The following ZMIZ2 variants were observed in gnomAD, a reference collection of about 807,000 sequenced individuals.
ZMIZ2 encodes zinc finger MIZ domain-containing protein 2.
A neutral mutation model predicts 93.9 loss-of-function variants in ZMIZ2; 26 were observed. The observed-to-expected ratio is 0.28, with a 90% CI of 0.20 to 0.38. The LOEUF (loss-of-function observed/expected upper bound fraction) is 0.38, where lower values mean the gene tolerates loss of function less well. Ranked by LOEUF, ZMIZ2 falls within the 10% of genes least tolerant of loss-of-function variation. ZMIZ2 has a pLI of 1.00. For synonymous variants in ZMIZ2, 485 were observed against 516.4 expected, an observed-to-expected ratio of 0.94 and a Z score of 0.82; for missense variants, 1,023 against 1,235.0, an observed-to-expected ratio of 0.83 and a Z score of 2.57.
intron 1 of ZMIZ2, among the ~76,000 whole-genome samples, chr7:44,752,134 AT>A (rs544186774): frequency 4.5e-4 from 65 of 143,424 alleles, no homozygotes; most frequent in Admixed American, 4.2e-4. Flanking sequence ...GTTGCCTTCT[AT>A]TTTTTTTTTT....
At position 44,763,531 on chromosome 7, in the gene ZMIZ2, A is replaced by T. The variant is rs1256849119; in HGVS notation, c.1860+118A>T. 2.1e-6 allele frequency: 3 copies of T among 1,429,584 alleles called. No homozygotes were observed. Among genetic ancestry groups the T allele is most frequent in the Non-Finnish European group, 2.8e-6 (3 of 1,057,462 alleles). The allele number at this position is 1,429,584 out of a possible 1,614,324, so 88.6% of individuals were successfully genotyped here. On this transcript the variant is annotated intron_variant, in intron 13 of 18. Coordinates refer to ENST00000309315, the MANE Select transcript of ZMIZ2 (RefSeq NM_031449.4). This position sits in a 1 kb window ranked among gnomAD's most constrained non-coding sequence, Gnocchi z 5.6. ...TCCGAGTGCCTTGGCTGTCAGGCTG[A>T]CAGGACAGGCCTCCCACGCCAAGGA...
At position 44,768,787 on chromosome 7, in the gene ZMIZ2, T is replaced by G. The variant is rs1240549955; in HGVS notation, c.*1164T>G. ...GCTTGGGCTGTGCCTGCAAAGCTTGTGCAGGACCTGGGGGCCAGGTCGACC... is the reference window on the plus strand; with the variant it reads ...GCTTGGGCTGTGCCTGCAAAGCTTGGGCAGGACCTGGGGGCCAGGTCGACC... On this transcript the variant is annotated 3_prime_UTR_variant, in exon 19 of 19. Coordinates refer to ENST00000309315, the MANE Select transcript of ZMIZ2 (RefSeq NM_031449.4). 1 of 152,226 alleles carries G rather than the reference T, an allele frequency of 6.6e-6. No individual in the cohort carries two copies. The highest frequency in any genetic ancestry group is 2.4e-5 in the African/African-American group (1 of 41,464). 9.4% of individuals were successfully genotyped at this position (152,226 alleles called of 1,614,324 possible). A position where few individuals can be genotyped will look rare whatever the true frequency, so the allele number is the denominator to read the frequency against.
chr7:44,754,085 A>C, intron 1 of ZMIZ2, among the ~76,000 whole-genome samples: 1 of 152,198 alleles, frequency 6.6e-6, no homozygotes, highest in East Asian at 1.9e-4. Context: ...CTATATTCTA[A>C]GTCCTAAAAT....
chr7:44,757,602 T>C, intron 5 of ZMIZ2, 41 bp downstream of exon 5: 1 of 1,551,560 alleles, frequency 6.4e-7, no homozygotes, highest in Non-Finnish European at 8.7e-7. Context: ...GCAGCCAGCC[T>C]GAGGGCCTGG....
Position 44,761,300 on chromosome 7 carries a change from C to A in ZMIZ2, c.1241-149C>A. Reference sequence around the variant, plus strand: ...ATGGCCCCAGCCCCAGGGCACCACTCAGGCCTGCCAAGCAGTGCCTGACAG... The same window carrying A: ...ATGGCCCCAGCCCCAGGGCACCACTAAGGCCTGCCAAGCAGTGCCTGACAG... On this transcript the variant is annotated intron_variant, in intron 9 of 18. Transcript: ENST00000309315. The surrounding 1 kb of genome is among the most constrained non-coding windows in gnomAD (Gnocchi z 5.8). 7.7e-7 allele frequency: 1 copy of A among 1,296,340 alleles called. No homozygotes were observed. The highest frequency in any genetic ancestry group is 1.0e-6 in the Non-Finnish European group (1 of 964,412). 80.3% of individuals were successfully genotyped at this position (1,296,340 alleles called of 1,614,324 possible).
At chr7:44,764,830 C>G (rs1271460703) in intron 14 of ZMIZ2, 111 bp from the exon 15 acceptor site, 6 of 1,135,222 alleles carry the variant, frequency 5.3e-6, no homozygotes, top group East Asian at 2.5e-5. Context: ...TTGCCTCACA[C>G]AGGATTGCCT....
At chr7:44,751,034 G>A (rs1325493056) in intron 1 of ZMIZ2, 1 of 149,198 alleles carries the variant, frequency 6.7e-6, no homozygotes, top group Non-Finnish European at 1.5e-5. Context: ...ACTGTCCTCA[G>A]AGAGGAGACC....
At chr7:44,750,192 T>C (rs144700674) in intron 1 of ZMIZ2, among the ~76,000 whole-genome samples, 183 of 152,274 alleles carry the variant, frequency 1.2e-3, no homozygotes, top group African/African-American at 4.2e-3. Context: ...CTACCAGATA[T>C]CCATCTTACA....
rs1262132186 is a variant in ZMIZ2 at position 44,756,165 on chromosome 7, ATCCCT to A, written c.-62-19_-62-15del. 1 of 1,597,056 alleles carries A rather than the reference ATCCCT, an allele frequency of 6.3e-7. No individual in the cohort carries two copies. Among genetic ancestry groups the A allele is most frequent in the Non-Finnish European group, 8.6e-7 (1 of 1,165,890 alleles). ...GTCTCCTGGCTGCATCGCAGCTAACATCCCTTCCTTCCTGTCGGGCAGCCAGAGCA... is the reference window on the plus strand; with the variant it reads ...GTCTCCTGGCTGCATCGCAGCTAACATCCTTCCTGTCGGGCAGCCAGAGCA... On this transcript the variant is annotated intron_variant, in intron 1 of 18. Transcript: ENST00000309315.
In ZMIZ2 at chr7:44,757,158, G is replaced by A. The variant is rs1482041971; in HGVS notation, c.368+9G>A. 6.3e-7 allele frequency: 1 copy of A among 1,593,380 alleles called. No homozygotes were observed. The highest frequency in any genetic ancestry group is 2.0e-4 in the Middle Eastern group (1 of 5,126). On this transcript the variant is annotated intron_variant, in intron 4 of 18. Coordinates refer to ENST00000309315, the MANE Select transcript of ZMIZ2 (RefSeq NM_031449.4). ...CCCGGCTTCACCACCGGGTAAGCAAGTTCCCTCACCTGGCAGGTATGCTAG... is the reference window on the plus strand; with the variant it reads ...CCCGGCTTCACCACCGGGTAAGCAAATTCCCTCACCTGGCAGGTATGCTAG...
At chr7:44,756,582 C>T in intron 3 of ZMIZ2, 43 bp downstream of exon 3, 1 of 1,600,732 alleles carries the variant, frequency 6.2e-7, no homozygotes, top group Non-Finnish European at 8.5e-7. Flanking sequence ...GACAGAGCCT[C>T]CCAGCACTTG....
chr7:44,748,906 C>T lies in ZMIZ2; in HGVS notation c.-148C>T, dbSNP rs1562715936. The T allele has an allele frequency of 1.4e-5, 2 of 147,520 alleles. No individual in the cohort carries two copies. The highest frequency in any genetic ancestry group is 2.0e-4 in the East Asian group (1 of 5,110). 9.1% of individuals were successfully genotyped at this position (147,520 alleles called of 1,614,324 possible). A position where few individuals can be genotyped will look rare whatever the true frequency, so the allele number is the denominator to read the frequency against. ...GCGGGTGGCGGCGGCCCCGGGGCGG[C>T]GGGCGGCGCGGAGGGCGGGCTGAGC... On this transcript the variant is annotated 5_prime_UTR_variant, in exon 1 of 19. Transcript: ENST00000309315.
At chr7:44,757,264 T>C (rs1790683263) in intron 4 of ZMIZ2, 114 bp from the exon 5 acceptor site, 2 of 1,504,000 alleles carry the variant, frequency 1.3e-6, no homozygotes, top group South Asian at 1.2e-5. Flanking sequence ...ACAGCTGTAG[T>C]GGAGGGTCTA....
Position 44,765,237 on chromosome 7 carries a change from G to T in ZMIZ2, c.1998-98G>T. 6.4e-7 allele frequency: 1 copy of T among 1,566,900 alleles called. No homozygotes were observed. Among genetic ancestry groups the T allele is most frequent in the South Asian group, 1.2e-5 (1 of 83,946 alleles). On this transcript the variant is annotated intron_variant, in intron 15 of 18. Coordinates refer to ENST00000309315, the MANE Select transcript of ZMIZ2 (RefSeq NM_031449.4). This position sits in a 1 kb window ranked among gnomAD's most constrained non-coding sequence, Gnocchi z 4.1. ...TGGGTGGAAGCAAGCATTTGAGTGG[G>T]GGAACCTGCCTGGAAACAGCCCAGG...
Position 44,767,680 on chromosome 7 carries a change from G to A in ZMIZ2, c.*57G>A. 3 of 1,473,156 alleles carry A rather than the reference G, an allele frequency of 2.0e-6. No individual in the cohort carries two copies. Among genetic ancestry groups the A allele is most frequent in the Non-Finnish European group, 2.8e-6 (3 of 1,055,074 alleles). The allele number at this position is 1,473,156 out of a possible 1,614,324, so 91.3% of individuals were successfully genotyped here. A position where few individuals can be genotyped will look rare whatever the true frequency, so the allele number is the denominator to read the frequency against. On this transcript the variant is annotated 3_prime_UTR_variant, in exon 19 of 19. Coordinates refer to ENST00000309315, the MANE Select transcript of ZMIZ2 (RefSeq NM_031449.4). ...CGCTCACAGATGTCACCACAGCCCT[G>A]CCCTTCATGCCCAGCCCCATGGGAC...
Position 44,767,729 on chromosome 7 carries a change from C to T in ZMIZ2, c.*106C>T. The T allele has an allele frequency of 1.0e-6, 1 of 991,958 alleles. No homozygotes were observed. Among genetic ancestry groups the T allele is most frequent in the Non-Finnish European group, 1.5e-6 (1 of 646,216 alleles). The allele number at this position is 991,958 out of a possible 1,614,324, so 61.4% of individuals were successfully genotyped here. ...ACACCCGGTGGTCTTTCCCAAACCT[C>T]CCCCAAAACACACCTGGAGCCAGAG... On this transcript the variant is annotated 3_prime_UTR_variant, in exon 19 of 19. Coordinates refer to ENST00000309315, the MANE Select transcript of ZMIZ2 (RefSeq NM_031449.4).
In ZMIZ2 at chr7:44,757,443, C is replaced by G; in HGVS notation, c.434C>G (p.Thr145Arg). The G allele has an allele frequency of 4.4e-6, 7 of 1,606,856 alleles. No homozygotes were observed. Among genetic ancestry groups the G allele is most frequent in the Non-Finnish European group, 5.9e-6 (7 of 1,179,922 alleles). Residue 145 changes from threonine (T) to arginine (R), a missense_variant, in exon 5 of 19, where the codon ACG (threonine) becomes AGG (arginine). Coordinates refer to ENST00000309315, the MANE Select transcript of ZMIZ2 (RefSeq NM_031449.4). ...GCTGCAAGACCCTCCACTGACTTCACGCAAGCGGCAGCTGCTGCAGCTGTG... is the reference window on the plus strand; with the variant it reads ...GCTGCAAGACCCTCCACTGACTTCAGGCAAGCGGCAGCTGCTGCAGCTGTG... ...SHAARPSTDF[T>R]QAAAAAAVAA...
chr7:44,759,995 G>A, intron 7 of ZMIZ2, 156 bp from the exon 8 acceptor site: 1 of 765,256 alleles, frequency 1.3e-6, no homozygotes, highest in Non-Finnish European at 2.1e-6. Flanking sequence ...TTCCTCTGTG[G>A]CTATGATTGC....
chr7:44,761,466 G>A lies in ZMIZ2; in HGVS notation c.1258G>A (p.Glu420Lys), dbSNP rs1418748076. Residue 420 changes from glutamate (E) to lysine (K), a missense_variant, in exon 10 of 19, where the codon GAG becomes AAG. Around this residue, in one of 3 missense-constraint regions of ZMIZ2, gnomAD observed 656 missense variants for 777.1 expected, o/e 0.84. Transcript: ENST00000309315. This position sits in a 1 kb window ranked among gnomAD's most constrained non-coding sequence, Gnocchi z 5.8. Reference sequence around the variant, plus strand: ...GCTCCCAGGAAGCGGGCCTTGTGACGAGTTGCGGCTGACCTTCCCTGTGCG... The same window carrying A: ...GCTCCCAGGAAGCGGGCCTTGTGACAAGTTGCGGCTGACCTTCCCTGTGCG... ...SSPSGSGPCD[E>K]LRLTFPVRDG... is the part of the protein sequence containing the mutation. 3.7e-6 allele frequency: 6 copies of A among 1,613,510 alleles called. No homozygotes were observed. The highest frequency in any genetic ancestry group is 1.7e-5 in the Admixed American group (1 of 60,018).
Sources: allele counts gnomAD v4.1 joint callset (sites outside exome capture counted in the v4.1 genomes callset), GRCh38; gene constraint gnomAD v4.1.1; regional missense constraint gnomAD v4.1.1; non-coding constraint Gnocchi (gnomAD v3.1); transcripts MANE v1.5; gene names NCBI Gene and HGNC (gene_info 2026-07-23, HGNC 2026-07-21).